Variants in FADS2 observed in about 807,000 individuals in gnomAD.
The protein encoded by FADS2 is fatty acid desaturase 2, also known as acyl-CoA 6-desaturase.
In FADS2, 18 loss-of-function variants were observed where a neutral mutation model predicts 61.2. The ratio of observed to expected loss-of-function variants is 0.29; its 90% CI spans 0.20 to 0.44. The LOEUF is 0.44. Ranked by LOEUF, FADS2 falls within the 20% of genes least tolerant of loss-of-function variation. The pLI is 1.00. For synonymous variants in FADS2, 203 were observed against 223.9 expected, an observed-to-expected ratio of 0.91 and a Z score of 0.83; for missense variants, 322 against 572.7, an observed-to-expected ratio of 0.56 and a Z score of 4.47.
At position 61,857,692 on chromosome 11, in the gene FADS2, G is replaced by GT. The variant is rs375799126; in HGVS notation, c.882+162_882+163insT. Among the ~76,000 whole-genome samples the GT allele has an allele frequency of 4.1e-4, 63 of 152,118 alleles. No individual in the cohort carries two copies. The East Asian group carries it at 9.7e-3, about 23-fold the overall frequency. ...CCTCTCAGGAAAGGACTCCCTCTGGGGCCACCAGGACCTAGTCCTAAAGAT... is the reference window on the plus strand; with the variant it reads ...CCTCTCAGGAAAGGACTCCCTCTGGGTGCCACCAGGACCTAGTCCTAAAGAT... On this transcript the variant is annotated intron_variant, in intron 7 of 11. Coordinates refer to ENST00000278840, the MANE Select transcript of FADS2 (RefSeq NM_004265.4).
At chr11:61,847,869 C>T in intron 4 of FADS2, 1 of 386,586 alleles carries the variant, frequency 2.6e-6, no homozygotes, top group South Asian at 2.4e-5. Context: ...GCTGCCACAC[C>T]TGCTGGAGCG....
upstream of FADS2, chr11:61,828,299 C>T: frequency 1.3e-6 from 2 of 1,508,942 alleles, no homozygotes; most frequent in East Asian, 2.5e-5. This position sits in a 1 kb window ranked among gnomAD's most constrained non-coding sequence, Gnocchi z 6.4. Flanking sequence ...AGGGCCCGGG[C>T]TGCACACACC....
intron 10 of FADS2, among the ~76,000 whole-genome samples, chr11:61,864,467 C>T (rs2067444844): frequency 6.6e-6 from 1 of 152,126 alleles, no homozygotes; most frequent in Admixed American, 6.5e-5. Context: ...AATCTCGGCT[C>T]ACTGCATCCT....
At chr11:61,836,910 G>T (rs2067179264) in intron 1 of FADS2, among the ~76,000 whole-genome samples, 1 of 152,110 alleles carries the variant, frequency 6.6e-6, no homozygotes, top group African/African-American at 2.4e-5. Flanking sequence ...GCCTGGTGCT[G>T]GCTCATCTCT....
intron 1 of FADS2, among the ~76,000 whole-genome samples, chr11:61,835,261 A>C (rs907753843): frequency 1.3e-5 from 2 of 152,152 alleles, no homozygotes; most frequent in African/African-American, 4.8e-5. Context: ...TAGAACAAAG[A>C]CCAAGCAAAG....
chr11:61,827,552 G>A (rs987587391), upstream of FADS2: 1 of 152,292 alleles, frequency 6.6e-6, no homozygotes, highest in African/African-American at 2.4e-5. This position sits in a 1 kb window ranked among gnomAD's most constrained non-coding sequence, Gnocchi z 4.5. Flanking sequence ...CGCGGACAAT[G>A]TGGGATACTG....
chr11:61,826,310 G>C (rs572499214), upstream of FADS2: 123 of 702,478 alleles, frequency 1.8e-4, 1 homozygote, highest in Admixed American at 2.4e-3. Context: ...ACTGTGCTGG[G>C]AGCCGCTGGG....
intron 7 of FADS2, chr11:61,862,551 C>T (rs1946202787): frequency 4.5e-6 from 1 of 221,234 alleles, no homozygotes; most frequent in Admixed American, 5.3e-5. Context: ...GCCCTCTGTC[C>T]TGCTGGAAGG....
intron 5 of FADS2, 72 bp downstream of exon 5, chr11:61,848,356 C>G: frequency 6.3e-7 from 1 of 1,599,024 alleles, no homozygotes; most frequent in South Asian, 1.1e-5. Context: ...CGAGGTACAA[C>G]TAAGGAGATG....
intron 1 of FADS2, among the ~76,000 whole-genome samples, chr11:61,831,986 G>A (rs1325079998): frequency 6.6e-6 from 1 of 152,180 alleles, no homozygotes; most frequent in Non-Finnish European, 1.5e-5. Context: ...TTAATTGAGT[G>A]TCTCCATGGC....
intron 1 of FADS2, among the ~76,000 whole-genome samples, chr11:61,817,916 A>G (rs1002035914): frequency 6.6e-6 from 1 of 152,120 alleles, no homozygotes; most frequent in African/African-American, 2.4e-5. Context: ...TAACAACCCT[A>G]TGAGGTTGGA....
intron 5 of FADS2, chr11:61,856,391 G>C (rs963260856): frequency 3.3e-5 from 5 of 152,298 alleles, no homozygotes; most frequent in Admixed American, 1.3e-4. Context: ...TCTGTGCTGT[G>C]GCCTCCTCTG....
At chr11:61,827,915 C>T (rs531170258), upstream of FADS2, 26 of 513,586 alleles carry the variant, frequency 5.1e-5, no homozygotes, top group African/African-American at 6.2e-5. This position sits in a 1 kb window ranked among gnomAD's most constrained non-coding sequence, Gnocchi z 4.5. Context: ...CGCTCCAGCC[C>T]GCTGGCCTTC....
At chr11:61,828,058 G>A (rs1357502321), upstream of FADS2, 2 of 1,196,714 alleles carry the variant, frequency 1.7e-6, no homozygotes, top group East Asian at 4.7e-5. The surrounding 1 kb of genome is among the most constrained non-coding windows in gnomAD (Gnocchi z 6.4). Context: ...GGGAGCCGGA[G>A]GGGCGGGCAG....
chr11:61,840,176 A>T, intron 2 of FADS2, 158 bp from the exon 3 acceptor site: 1 of 651,710 alleles, frequency 1.5e-6, no homozygotes, highest in Non-Finnish European at 2.8e-6. Flanking sequence ...AACAGCAGCT[A>T]TTGTAGGGAC....
rs2067431760 is a variant in FADS2, at chr11:61,863,115, G to A, written c.980+46G>A. 3.2e-6 allele frequency: 5 copies of A among 1,553,068 alleles called. No homozygotes were observed. In the East Asian group the frequency reaches 1.1e-4, roughly 35 times the overall value. ...CATCCCTGGGCCCTCCACTGGCACT[G>A]ATGATGGCTTTGGCATGAGAAGAGG... On this transcript the variant is annotated intron_variant, in intron 8 of 11. Transcript: ENST00000278840.
chr11:61,824,490 GAAAGAAAGAAAGGAA>G (rs1191182885), upstream of FADS2, among the ~76,000 whole-genome samples: 26 of 9,280 alleles, frequency 2.8e-3, no homozygotes, highest in East Asian at 0.025. Flanking sequence ...GAGAGAGAGA[GAAAGAAAGAAAGGAA>G]AGAAAGAAAG....
chr11:61,861,365 A>AAAAAAAAAAAAAAAAC (rs1555078418), intron 7 of FADS2, among the ~76,000 whole-genome samples: 1 of 130,790 alleles, frequency 7.6e-6, no homozygotes, highest in African/African-American at 3.0e-5. Flanking sequence ...AAAAAAAAAA[A>AAAAAAAAAAAAAAAAC]AAAAAACAGA....
At chr11:61,828,163 C>A, upstream of FADS2, 1 of 1,408,786 alleles carries the variant, frequency 7.1e-7, no homozygotes, top group African/African-American at 1.5e-5. The surrounding 1 kb of genome is among the most constrained non-coding windows in gnomAD (Gnocchi z 6.4). Flanking sequence ...AAGGGGACCG[C>A]TTGGGGGCAC....
Sources: gnomAD v4.1 joint callset for allele counts (sites outside exome capture counted in the v4.1 genomes callset) on GRCh38, gnomAD v4.1.1 for gene constraint, Gnocchi (gnomAD v3.1) non-coding constraint, MANE v1.5 for transcripts, NCBI Gene and HGNC (gene_info 2026-07-23, HGNC 2026-07-21) for gene names.